Variants in ITIH1 observed in about 807,000 individuals in gnomAD.
The protein encoded by ITIH1 is inter-alpha-trypsin inhibitor heavy chain 1, also known as inter-alpha-trypsin inhibitor heavy chain H1.
ITIH1 carries 94 observed loss-of-function variants against 104.6 expected under a neutral mutation model. The observed-to-expected ratio is 0.90, with a 90% CI of 0.76 to 1.07. The LOEUF (loss-of-function observed/expected upper bound fraction) is 1.07, where lower values mean the gene tolerates loss of function less well. Ranked by LOEUF, ITIH1 falls within the 50% of genes least tolerant of loss-of-function variation. ITIH1 has a pLI of 0.00. For missense variants in ITIH1, 1,193 were observed against 1,181.4 expected, an observed-to-expected ratio of 1.01 and a Z score of -0.14; for synonymous variants, 455 against 464.4, an observed-to-expected ratio of 0.98 and a Z score of 0.26.
intron 12 of ITIH1, among the ~76,000 whole-genome samples, chr3:52,785,867 T>A (rs2535630): frequency 9.2e-5 from 14 of 152,380 alleles, no homozygotes; most frequent in South Asian, 8.3e-4. Flanking sequence ...TATAATACCC[T>A]TAGGCAGCAG....
chr3:52,780,975 T>C (rs1448327151), intron 6 of ITIH1, among the ~76,000 whole-genome samples: 1 of 152,226 alleles, frequency 6.6e-6, no homozygotes, highest in Non-Finnish European at 1.5e-5. Context: ...TTCCCACTTA[T>C]GTAGAGCCTG....
In ITIH1 at chr3:52,791,942, G is replaced by C. The variant is rs374752378; in HGVS notation, c.*31G>C. On this transcript the variant is annotated 3_prime_UTR_variant, in exon 22 of 22. Coordinates refer to ENST00000273283, the MANE Select transcript of ITIH1 (RefSeq NM_002215.4). The stretch of plus-strand genomic sequence containing the variant: ...CTGGCCAGCACGCCTGTCCTCCCCC[G>C]GGGCCAAGGCAGAGGAGGAGGACGA... The C allele has an allele frequency of 5.6e-6, 9 of 1,595,758 alleles. No homozygotes were observed. The highest frequency in any genetic ancestry group is 1.7e-5 in the Admixed American group (1 of 58,000).
Position 52,786,274 on chromosome 3 carries a change from T to G in ITIH1, c.1594-21T>G. On this transcript the variant is annotated intron_variant, in intron 12 of 21. Transcript: ENST00000273283. ...CGTGCTTATCATGGTGCACCACCCC[T>G]CTCTGTACCTCAACTCTCAGGAGGG... 2 of 1,561,692 alleles carry G rather than the reference T, an allele frequency of 1.3e-6. 1 individual carries two copies. The highest frequency in any genetic ancestry group is 2.4e-5 in the South Asian group (2 of 84,822).
Position 52,784,329 on chromosome 3 carries a change from T to C in ITIH1, c.1259T>C (p.Val420Ala). ...VTDRSQILKN[V>A]RNAIRGRFPL... ...GACCGTTCCCAAATCCTCAAGAACG[T>C]CCGCAACGCCATCCGGGGCAGGTTC... The change falls in exon 11 of 22, where the codon GTC (valine) becomes GCC (alanine). Residue 420 changes from valine (V) to alanine (A), a missense_variant. Transcript: ENST00000273283. The C allele has an allele frequency of 1.9e-6, 3 of 1,614,030 alleles. No homozygotes were observed. The highest frequency in any genetic ancestry group is 1.1e-5 in the South Asian group (1 of 91,068).
chr3:52,787,009 T>C lies in ITIH1; in HGVS notation c.1798T>C (p.Tyr600His). Residue 600 changes from tyrosine to histidine, a missense_variant, in exon 14 of 22, where the codon TAT becomes CAT. By Grantham distance (83) the Tyr-to-His change is moderately conservative. Transcript: ENST00000273283. ...CCAGGCCCTGCAGATGTCGCTGGAC[T>C]ATGGGTTTGTGACCCCACTGACCTC... ...SSQALQMSLDYGFVTPLTSMS... is the reference protein window; with the variant it reads ...SSQALQMSLDHGFVTPLTSMS... 8.1e-6 allele frequency: 13 copies of C among 1,614,162 alleles called. No homozygotes were observed. Among genetic ancestry groups the C allele is most frequent in the Non-Finnish European group, 1.1e-5 (13 of 1,180,002 alleles).
chr3:52,778,681 C>G (rs1698965179), intron 3 of ITIH1, 175 bp downstream of exon 3: 2 of 1,443,658 alleles, frequency 1.4e-6, no homozygotes, highest in South Asian at 1.5e-5. Flanking sequence ...GTGCTTGGCT[C>G]CCATCTTGGA....
At chr3:52,789,979 A>G (rs1699310045) in intron 19 of ITIH1, 125 bp downstream of exon 19, 1 of 919,758 alleles carries the variant, frequency 1.1e-6, no homozygotes, top group African/African-American at 1.6e-5. Context: ...GCCTGTGCAG[A>G]CATGTCAGAC....
chr3:52,782,384 G>A (rs1358147271), intron 8 of ITIH1, 117 bp downstream of exon 8: 1 of 776,448 alleles, frequency 1.3e-6, no homozygotes, highest in Non-Finnish European at 2.2e-6. Context: ...GTCAGAGGCA[G>A]AGTGATTTAA....
chr3:52,790,648 G>T, intron 19 of ITIH1, 101 bp from the exon 20 acceptor site: 3 of 1,174,622 alleles, frequency 2.6e-6, no homozygotes, highest in Non-Finnish European at 3.7e-6. Context: ...CCATGGGGTG[G>T]GGGCGTGGTC....
chr3:52,786,279 G>T lies in ITIH1; in HGVS notation c.1594-16G>T. On this transcript the variant is annotated splice_polypyrimidine_tract_variant and intron_variant, in intron 12 of 21. Transcript: ENST00000273283. ...TTATCATGGTGCACCACCCCTCTCT[G>T]TACCTCAACTCTCAGGAGGGACAAG... 6.4e-7 allele frequency: 1 copy of T among 1,563,642 alleles called. No homozygotes were observed. The highest frequency in any genetic ancestry group is 1.2e-5 in the South Asian group (1 of 84,968).
At chr3:52,790,549 A>G in intron 19 of ITIH1, 200 bp from the exon 20 acceptor site, 1 of 575,074 alleles carries the variant, frequency 1.7e-6, no homozygotes, top group South Asian at 2.2e-5. Flanking sequence ...CAGAGGGCTT[A>G]GCACAGGACC....
chr3:52,779,692 T>C lies in ITIH1; in HGVS notation c.573+98T>C, dbSNP rs763487024. ...CCCACCATGTGTCACCACCCAGGCC[T>C]GAGAACACAGGGATGGGGACTAACC... On this transcript the variant is annotated intron_variant, in intron 5 of 21. Coordinates refer to ENST00000273283, the MANE Select transcript of ITIH1 (RefSeq NM_002215.4). The surrounding 1 kb of genome is among the most constrained non-coding windows in gnomAD (Gnocchi z 4.4). 8 of 1,423,978 alleles carry C rather than the reference T, an allele frequency of 5.6e-6. No homozygotes were observed. Among genetic ancestry groups the C allele is most frequent in the African/African-American group, 2.8e-5 (2 of 71,220 alleles). The allele number at this position is 1,423,978 out of a possible 1,614,324, so 88.2% of individuals were successfully genotyped here.
rs575108357 is a variant in ITIH1, at chr3:52,778,678, G to T, written c.305+172G>T. On this transcript the variant is annotated intron_variant, in intron 3 of 21. Transcript: ENST00000273283. ...AAGAAGCCCTTTAGGTCTGTGCTTGGCTCCCATCTTGGAGGCAAACTGGGA... is the reference window on the plus strand; with the variant it reads ...AAGAAGCCCTTTAGGTCTGTGCTTGTCTCCCATCTTGGAGGCAAACTGGGA... 2.4e-5 allele frequency: 34 copies of T among 1,444,888 alleles called. No individual in the cohort carries two copies. In the East Asian group the frequency reaches 8.5e-4, roughly 36 times the overall value. 89.5% of individuals were successfully genotyped at this position (1,444,888 alleles called of 1,614,324 possible).
intron 6 of ITIH1, among the ~76,000 whole-genome samples, chr3:52,781,271 CTTCTTCTTCTTCTTCCTCT>C (rs1699047581): frequency 7.3e-6 from 1 of 136,572 alleles, no homozygotes; most frequent in Non-Finnish European, 1.6e-5. Flanking sequence ...TCTTCTTCTT[CTTCTTCTTCTTCTTCCTCT>C]TCTTCTTCTT....
chr3:52,786,182 G>A, intron 12 of ITIH1, 113 bp from the exon 13 acceptor site: 1 of 1,030,376 alleles, frequency 9.7e-7, no homozygotes, highest in Non-Finnish European at 1.4e-6. Flanking sequence ...AGCAGGTGAT[G>A]CTGAGGACGA....
rs1699101788 is a variant in ITIH1, at chr3:52,782,988, A to G, written c.962A>G (p.Asp321Gly). The G allele has an allele frequency of 6.2e-7, 1 of 1,613,940 alleles. No homozygotes were observed. The highest frequency in any genetic ancestry group is 8.5e-7 in the Non-Finnish European group (1 of 1,179,972). Reference protein sequence around the residue: ...TKEALLKILGDMQPGDYFDLV... With the variant: ...TKEALLKILGGMQPGDYFDLV... ...GAGGCACTCCTTAAAATTCTGGGGG[A>G]CATGCAGCCAGGGGACTACTTTGAC... The change falls in exon 9 of 22, where the codon GAC becomes GGC. Residue 321 changes from aspartate (D) to glycine (G), a missense_variant. Physicochemically the swap from Asp to Gly is moderately conservative, Grantham distance 94. Transcript: ENST00000273283.
chr3:52,781,277 CTTCTTCTTCCTCT>C (rs1699049086), intron 6 of ITIH1, among the ~76,000 whole-genome samples: 3 of 139,220 alleles, frequency 2.2e-5, no homozygotes, highest in Non-Finnish European at 3.1e-5. Context: ...TCTTCTTCTT[CTTCTTCTTCCTCT>C]TCTTCTTCTT....
rs1698980578 is a variant in ITIH1, at chr3:52,779,332, T to A, written c.411-100T>A. 4.6e-6 allele frequency: 6 copies of A among 1,308,228 alleles called. No homozygotes were observed. The highest frequency in any genetic ancestry group is 6.6e-6 in the Non-Finnish European group (6 of 912,318). The allele number at this position is 1,308,228 out of a possible 1,614,324, so 81.0% of individuals were successfully genotyped here. A position where few individuals can be genotyped will look rare whatever the true frequency, so the allele number is the denominator to read the frequency against. On this transcript the variant is annotated intron_variant, in intron 4 of 21. Coordinates refer to ENST00000273283, the MANE Select transcript of ITIH1 (RefSeq NM_002215.4). This position sits in a 1 kb window ranked among gnomAD's most constrained non-coding sequence, Gnocchi z 4.4. Reference sequence around the variant, plus strand: ...CAGGGAAACCTGGGAGCAACACTCATCTAAGAGAAATAAATTCTGTGGGCC... The same window carrying A: ...CAGGGAAACCTGGGAGCAACACTCAACTAAGAGAAATAAATTCTGTGGGCC...
At position 52,783,216 on chromosome 3, in the gene ITIH1, A is replaced by C. The variant is rs1405829051; in HGVS notation, c.1102A>C (p.Thr368Pro). The C allele has an allele frequency of 6.2e-7, 1 of 1,614,014 alleles. No individual in the cohort carries two copies. The highest frequency in any genetic ancestry group is 1.7e-5 in the Admixed American group (1 of 59,992). Residue 368 changes from threonine to proline, a missense_variant and splice_region_variant, in exon 10 of 22, where the codon ACA becomes CCA. By Grantham distance (38) the Thr-to-Pro change is conservative. Coordinates refer to ENST00000273283, the MANE Select transcript of ITIH1 (RefSeq NM_002215.4). ...GGTCTGCTTTCTCTTCCTTGCAGCC[A>C]CAAACCTGAATGGAGGTTTGCTCCG... ...FVRGFSLDEATNLNGGLLRGI... is the reference protein window; with the variant it reads ...FVRGFSLDEAPNLNGGLLRGI...
Sources: gnomAD v4.1 joint callset for allele counts (sites outside exome capture counted in the v4.1 genomes callset) on GRCh38, gnomAD v4.1.1 for gene constraint, Gnocchi (gnomAD v3.1) non-coding constraint, MANE v1.5 for transcripts, NCBI Gene and HGNC (gene_info 2026-07-23, HGNC 2026-07-21) for gene names.